Variants in NEGR1 observed in about 807,000 individuals in gnomAD.
NEGR1 encodes the protein IgLON family member 4.
NEGR1 carries 10 observed loss-of-function variants against 40.9 expected under a neutral mutation model. The ratio of observed to expected loss-of-function variants is 0.24; its 90% confidence interval spans 0.15 to 0.42. The LOEUF is 0.42. Ranked by LOEUF, NEGR1 falls within the 10% of genes least tolerant of loss-of-function variation. The probability of loss-of-function intolerance (pLI) is 1.00; values close to 1 mark genes in which losing one functional copy is unlikely to be tolerated. For missense variants in NEGR1, 352 were observed against 438.9 expected, an observed-to-expected ratio of 0.80 and a Z score of 1.77; for synonymous variants, 185 against 166.8, an observed-to-expected ratio of 1.11 and a Z score of -0.84.
intron 2 of NEGR1, among the ~76,000 whole-genome samples, chr1:71,790,864 G>A (rs1042539054): frequency 6.6e-6 from 1 of 152,004 alleles, no homozygotes; most frequent in African/African-American, 2.4e-5. Flanking sequence ...CAAGGAAAAT[G>A]CCATTAAAGG....
At chr1:72,065,724 A>G (rs1159129) in intron 1 of NEGR1, among the ~76,000 whole-genome samples, 59,622 of 152,004 alleles carry the variant, frequency 0.39, 12,816 homozygotes, top group Non-Finnish European at 0.49. Context: ...TAACATTTAT[A>G]TACCTAAAAA....
chr1:72,087,594 G>C (rs1443539076), intron 1 of NEGR1, among the ~76,000 whole-genome samples: 1 of 151,528 alleles, frequency 6.6e-6, no homozygotes, highest in Non-Finnish European at 1.5e-5. Flanking sequence ...ACATATTTGT[G>C]TTCTTTTATA....
chr1:71,625,852 T>C (rs1027628516), intron 4 of NEGR1, among the ~76,000 whole-genome samples: 1 of 151,760 alleles, frequency 6.6e-6, no homozygotes, highest in Non-Finnish European at 1.5e-5. Context: ...AATAATACCT[T>C]ATAATTTTTT....
chr1:71,589,689 A>G (rs1649435258), intron 6 of NEGR1, among the ~76,000 whole-genome samples: 1 of 152,008 alleles, frequency 6.6e-6, no homozygotes, highest in Admixed American at 6.6e-5. Flanking sequence ...GCTATCTCCT[A>G]ATTAGCTCTC....
intron 1 of NEGR1, among the ~76,000 whole-genome samples, chr1:71,979,705 T>C (rs77801370): frequency 7.9e-4 from 120 of 152,072 alleles, no homozygotes; most frequent in Middle Eastern, 3.4e-3. Flanking sequence ...AAAAGAAGGA[T>C]GAAAACTCAG....
At chr1:72,143,914 A>ATATATATAATATATATATATATAT (rs1491498187) in intron 1 of NEGR1, among the ~76,000 whole-genome samples, 11 of 130,612 alleles carry the variant, frequency 8.4e-5, no homozygotes, top group African/African-American at 3.3e-4. Context: ...TGATATATAT[A>ATATATATAATATATATATATATAT]ATATATATAT....
chr1:72,053,056 T>C (rs1269175148), intron 1 of NEGR1, among the ~76,000 whole-genome samples: 3 of 151,438 alleles, frequency 2.0e-5, no homozygotes, highest in African/African-American at 7.3e-5. Flanking sequence ...GTTTTCTTTT[T>C]TCATGTCACT....
At chr1:72,071,983 T>C (rs1439230405) in intron 1 of NEGR1, among the ~76,000 whole-genome samples, 1 of 152,174 alleles carries the variant, frequency 6.6e-6, no homozygotes, top group Non-Finnish European at 1.5e-5. Flanking sequence ...TCAGTTAGTC[T>C]TATTTCTTGT....
intron 2 of NEGR1, among the ~76,000 whole-genome samples, chr1:71,913,855 GA>G (rs10642966): frequency 0.087 from 11,138 of 128,534 alleles, 1,347 homozygotes; most frequent in African/African-American, 0.28. Context: ...TGAAGGAAAG[GA>G]AAAAAAAAAA....
chr1:71,486,824 A>G (rs2101379170), intron 6 of NEGR1: 1 of 151,714 alleles, frequency 6.6e-6, no homozygotes, highest in East Asian at 1.9e-4. Flanking sequence ...TAATACTAAT[A>G]CTGTAAATAA....
At chr1:71,825,989 G>A (rs1162807125) in intron 2 of NEGR1, among the ~76,000 whole-genome samples, 2 of 151,770 alleles carry the variant, frequency 1.3e-5, no homozygotes, top group Admixed American at 6.6e-5. Flanking sequence ...CATTGTCCCA[G>A]GTATTGGCAT....
intron 3 of NEGR1, among the ~76,000 whole-genome samples, chr1:71,760,955 C>T (rs11209836): frequency 0.32 from 49,376 of 151,996 alleles, 9,068 homozygotes; most frequent in East Asian, 0.57. Flanking sequence ...AAACTATTTT[C>T]GTAATTAATT....
chr1:71,734,431 A>C (rs567598304), intron 3 of NEGR1, among the ~76,000 whole-genome samples: 2 of 152,324 alleles, frequency 1.3e-5, no homozygotes, highest in Admixed American at 1.3e-4. Flanking sequence ...TTTTATATAA[A>C]GTGACAAAAA....
intron 4 of NEGR1, among the ~76,000 whole-genome samples, chr1:71,689,288 G>A (rs1344591759): frequency 6.6e-6 from 1 of 152,156 alleles, no homozygotes; most frequent in Non-Finnish European, 1.5e-5. Context: ...CTGTTAGGAG[G>A]TGAATTCATG....
At chr1:71,524,352 GTGTGA>G (rs898756370) in intron 6 of NEGR1, among the ~76,000 whole-genome samples, 2 of 150,396 alleles carry the variant, frequency 1.3e-5, no homozygotes, top group Non-Finnish European at 3.0e-5. Context: ...GTGTGTGTGT[GTGTGA>G]TATCAACCAA....
chr1:72,213,412 T>A (rs1396171585), intron 1 of NEGR1, among the ~76,000 whole-genome samples: 2 of 151,920 alleles, frequency 1.3e-5, no homozygotes, highest in African/African-American at 4.8e-5. Flanking sequence ...AGTGATAAAT[T>A]ATGCAGTTTA....
intron 1 of NEGR1, among the ~76,000 whole-genome samples, chr1:72,070,885 T>C (rs895387540): frequency 6.6e-6 from 1 of 152,084 alleles, no homozygotes; most frequent in Admixed American, 6.6e-5. Flanking sequence ...AATAAAGGTA[T>C]TAAGTTTATG....
At chr1:71,475,378 T>C (rs971541826) in intron 6 of NEGR1, among the ~76,000 whole-genome samples, 1 of 152,074 alleles carries the variant, frequency 6.6e-6, no homozygotes, top group Non-Finnish European at 1.5e-5. Flanking sequence ...TCAAAGTTTA[T>C]GTCACAAAAG....
rs114854793 is a variant in NEGR1, at chr1:71,493,729, G to T, written c.941-86159C>A. On this transcript the variant is annotated intron_variant, in intron 6 of 6. Coordinates refer to ENST00000357731, the MANE Select transcript of NEGR1 (RefSeq NM_173808.3). ...CCTTACACAGATTTTTCATTATTCT[G>T]CTCATCAACCAAATTCAAGTATCTT... Among the ~76,000 whole-genome samples, 691 of 152,150 alleles carry T rather than the reference G, an allele frequency of 4.5e-3. 3 individuals are homozygous for T. Among genetic ancestry groups the T allele is most frequent in the African/African-American group, 0.016 (671 of 41,496 alleles).
Sources: gnomAD v4.1 joint callset for allele counts (sites outside exome capture counted in the v4.1 genomes callset) on GRCh38, gnomAD v4.1.1 for gene constraint, MANE v1.5 for transcripts, NCBI Gene and HGNC (gene_info 2026-07-23, HGNC 2026-07-21) for gene names.